Variants in ZBTB41 observed in about 807,000 individuals in gnomAD.
The protein encoded by ZBTB41 is zinc finger and BTB domain-containing protein 41.
ZBTB41 carries 42 observed loss-of-function variants against 87.6 expected under a neutral mutation model. The observed-to-expected ratio is 0.48, with a 90% CI of 0.37 to 0.62. ZBTB41 has a LOEUF of 0.62. Among genes scored for constraint, ZBTB41 ranks in the 20% least tolerant of loss-of-function variants. ZBTB41 has a pLI of 0.00. For synonymous variants in ZBTB41, 364 were observed against 364.0 expected, an observed-to-expected ratio of 1.00 and a Z score of 0.00; for missense variants, 799 against 1,078.9, an observed-to-expected ratio of 0.74 and a Z score of 3.63.
chr1:197,196,480 C>T (rs1660165125), intron 2 of ZBTB41, among the ~76,000 whole-genome samples: 1 of 152,164 alleles, frequency 6.6e-6, no homozygotes, highest in Admixed American at 6.5e-5. Context: ...TCATTCTGGT[C>T]CTTTGTTATA....
chr1:197,197,492 T>C (rs1434281824), intron 2 of ZBTB41, among the ~76,000 whole-genome samples: 1 of 144,934 alleles, frequency 6.9e-6, no homozygotes, highest in African/African-American at 2.6e-5. Flanking sequence ...GACCTACTGA[T>C]TCCCACAATT....
In ZBTB41 at chr1:197,190,867, G is replaced by T; in HGVS notation, c.1329-36C>A. ...AAAAGAAAAAGATTATTAGGAAAAG[G>T]TTATATTAGTTAAATCAATATTCCA... On this transcript the variant is annotated intron_variant, in intron 3 of 10. Coordinates refer to ENST00000367405, the MANE Select transcript of ZBTB41 (RefSeq NM_194314.3). 3.0e-6 allele frequency: 4 copies of T among 1,322,008 alleles called. No homozygotes were observed. In the South Asian group the frequency reaches 5.2e-5, roughly 17 times the overall value. 81.9% of individuals were successfully genotyped at this position (1,322,008 alleles called of 1,614,324 possible).
intron 4 of ZBTB41, among the ~76,000 whole-genome samples, chr1:197,189,666 G>A (rs1210315708): frequency 6.6e-6 from 1 of 152,202 alleles, no homozygotes; most frequent in African/African-American, 2.4e-5. Context: ...CCAGGTTGGA[G>A]TGATTTGTTT....
At chr1:197,182,329 TAAC>T (rs36077224) in intron 5 of ZBTB41, among the ~76,000 whole-genome samples, 38,756 of 151,964 alleles carry the variant, frequency 0.26, 5,288 homozygotes, top group Middle Eastern at 0.32. Flanking sequence ...TCAAAGAAAA[TAAC>T]AACTGCATTT....
intron 2 of ZBTB41, among the ~76,000 whole-genome samples, chr1:197,194,417 G>A (rs1660111830): frequency 1.3e-5 from 2 of 152,056 alleles, no homozygotes; most frequent in Admixed American, 1.3e-4. Flanking sequence ...TGTCTTTGCT[G>A]AAAAGATGTT....
intron 10 of ZBTB41, among the ~76,000 whole-genome samples, chr1:197,171,603 T>C (rs936568664): frequency 1.3e-5 from 2 of 151,974 alleles, no homozygotes; most frequent in African/African-American, 4.8e-5. Context: ...TGTAGTAACA[T>C]TCCCAACGGA....
Position 197,159,136 on chromosome 1 carries a change from C to G in ZBTB41, c.*223G>C, listed in dbSNP as rs557729627. On this transcript the variant is annotated 3_prime_UTR_variant, in exon 11 of 11. Transcript: ENST00000367405. ...CCATTAAAAGTTAGCACTAAATAAT[C>G]TTTAAAAATCACAAAAATGTGCACT... 3 of 482,896 alleles carry G rather than the reference C, an allele frequency of 6.2e-6. No individual in the cohort carries two copies. Among genetic ancestry groups the G allele is most frequent in the Non-Finnish European group, 1.1e-5 (3 of 276,958 alleles). The allele number at this position is 482,896 out of a possible 1,614,324, so 29.9% of individuals were successfully genotyped here. A position where few individuals can be genotyped will look rare whatever the true frequency, so the allele number is the denominator to read the frequency against.
chr1:197,172,111 ATATC>A, intron 10 of ZBTB41, 45 bp downstream of exon 10: 1 of 680,928 alleles, frequency 1.5e-6, no homozygotes, highest in African/African-American at 1.9e-5. Context: ...TACACTATAT[ATATC>A]TCTCTCTATA....
chr1:197,164,165 G>A (rs1659262729), intron 10 of ZBTB41, among the ~76,000 whole-genome samples: 1 of 152,050 alleles, frequency 6.6e-6, no homozygotes. Context: ...TCTGGAAAGT[G>A]ACGAATAATT....
chr1:197,180,761 A>G (rs916489890), intron 6 of ZBTB41, among the ~76,000 whole-genome samples: 1 of 151,952 alleles, frequency 6.6e-6, no homozygotes, highest in African/African-American at 2.4e-5. Context: ...GGGGTTTCAG[A>G]AAGACATAAA....
In ZBTB41 at chr1:197,158,646, C is replaced by T. The variant is rs374957710; in HGVS notation, c.*713G>A. The T allele has an allele frequency of 6.6e-5, 10 of 151,822 alleles. No individual in the cohort carries two copies. The highest frequency in any genetic ancestry group is 2.4e-4 in the African/African-American group (10 of 41,368). The allele number at this position is 151,822 out of a possible 1,614,324, so 9.4% of individuals were successfully genotyped here. On this transcript the variant is annotated 3_prime_UTR_variant, in exon 11 of 11. Coordinates refer to ENST00000367405, the MANE Select transcript of ZBTB41 (RefSeq NM_194314.3). ...ATTTTCAGTTTGTATAATTTAATGCCCAGACCTATGTTTGCCTTTCTTATT... is the reference window on the plus strand; with the variant it reads ...ATTTTCAGTTTGTATAATTTAATGCTCAGACCTATGTTTGCCTTTCTTATT...
At chr1:197,176,431 C>G in intron 8 of ZBTB41, 133 bp downstream of exon 8, 1 of 585,884 alleles carries the variant, frequency 1.7e-6, no homozygotes, top group Admixed American at 3.4e-5. Context: ...GTTTTCAGAA[C>G]CAGAATTACA....
At chr1:197,179,833 T>C (rs908780600) in intron 6 of ZBTB41, among the ~76,000 whole-genome samples, 5 of 152,028 alleles carry the variant, frequency 3.3e-5, no homozygotes, top group African/African-American at 1.2e-4. Context: ...AGCTGTACAA[T>C]GTGTGTTTTA....
intron 10 of ZBTB41, among the ~76,000 whole-genome samples, chr1:197,166,499 T>C (rs1383697221): frequency 6.6e-6 from 1 of 152,108 alleles, no homozygotes; most frequent in African/African-American, 2.4e-5. Context: ...ATTGAAAATA[T>C]GACAGCTCTT....
In ZBTB41 at chr1:197,159,671, T is replaced by C. The variant is rs745617007; in HGVS notation, c.2418A>G (p.Val806=). ...CTGGAACCAGAGTTACTGGAACACA[T>C]ACTTCAGCAGATACATTCTGTAACA... is the stretch of plus-strand genomic sequence containing the variant. ...KTMLQNVSAE[V]CVPVTLVPVQ... is the part of the protein sequence containing the mutation. Residue 806 remains valine (V), a synonymous_variant, in exon 11 of 11, where the codon GTA becomes GTG. Coordinates refer to ENST00000367405, the MANE Select transcript of ZBTB41 (RefSeq NM_194314.3). The C allele has an allele frequency of 1.2e-6, 2 of 1,614,016 alleles. No individual in the cohort carries two copies. Among genetic ancestry groups the C allele is most frequent in the Admixed American group, 1.7e-5 (1 of 59,988 alleles).
intron 9 of ZBTB41, among the ~76,000 whole-genome samples, chr1:197,173,765 A>G (rs540986392): frequency 3.4e-4 from 52 of 152,264 alleles, no homozygotes; most frequent in African/African-American, 1.1e-3. Flanking sequence ...GGTAAATATA[A>G]ACAGAGATAC....
intron 10 of ZBTB41, among the ~76,000 whole-genome samples, chr1:197,162,048 T>A (rs1440722983): frequency 6.6e-6 from 1 of 152,194 alleles, no homozygotes; most frequent in Non-Finnish European, 1.5e-5. Context: ...TCAGTTCTGG[T>A]GTGTAACAAA....
chr1:197,182,182 T>G (rs1382011530), intron 5 of ZBTB41, among the ~76,000 whole-genome samples: 1 of 152,142 alleles, frequency 6.6e-6, no homozygotes, highest in East Asian at 1.9e-4. Flanking sequence ...ATGCAAAATG[T>G]GTGGTTAGTC....
At position 197,190,748 on chromosome 1, in the gene ZBTB41, T is replaced by C; in HGVS notation, c.1398+14A>G. 1 of 1,545,740 alleles carries C rather than the reference T, an allele frequency of 6.5e-7. No individual in the cohort carries two copies. The highest frequency in any genetic ancestry group is 1.2e-5 in the South Asian group (1 of 84,672). ...ACTTTGGTTTTCTAATTTGTTTTAA[T>C]TAAAAACTCTTACATCACATTTCCA... On this transcript the variant is annotated intron_variant, in intron 4 of 10. Coordinates refer to ENST00000367405, the MANE Select transcript of ZBTB41 (RefSeq NM_194314.3).
Sources: gnomAD v4.1 joint callset for allele counts (sites outside exome capture counted in the v4.1 genomes callset) on GRCh38, gnomAD v4.1.1 for gene constraint, MANE v1.5 for transcripts, NCBI Gene and HGNC (gene_info 2026-07-23, HGNC 2026-07-21) for gene names.